LRRIQ1: variants seen among roughly 807,000 people sequenced by gnomAD.
LRRIQ1 encodes the protein leucine rich repeats and IQ motif containing 1, also known as leucine-rich repeat- and IQ domain-containing protein 1.
A neutral mutation model predicts 211.9 loss-of-function variants in LRRIQ1; 210 were observed. That is an observed-to-expected ratio of 0.99 (90% CI 0.89 to 1.11). The LOEUF (loss-of-function observed/expected upper bound fraction) is 1.11. Ranked by LOEUF, LRRIQ1 falls within the 50% of genes most tolerant of loss-of-function variation. The probability of loss-of-function intolerance (pLI) is 0.00; values close to 1 mark genes in which losing one functional copy is unlikely to be tolerated. For synonymous variants in LRRIQ1, 699 were observed against 650.1 expected, an observed-to-expected ratio of 1.08 and a Z score of -1.14; for missense variants, 2,136 against 1,939.5, an observed-to-expected ratio of 1.10 and a Z score of -1.90.
intron 11 of LRRIQ1, among the ~76,000 whole-genome samples, chr12:85,074,331 G>A (rs553611379): frequency 5.7e-4 from 87 of 151,870 alleles, no homozygotes; most frequent in Non-Finnish European, 1.0e-3. Flanking sequence ...TACATGGTAG[G>A]TGTATATATT....
intron 15 of LRRIQ1, among the ~76,000 whole-genome samples, chr12:85,116,363 C>T (rs867869821): frequency 2.0e-5 from 3 of 152,030 alleles, no homozygotes; most frequent in Admixed American, 2.0e-4. Context: ...CCAGGCTGGT[C>T]TGGATCTCCT....
At chr12:85,260,678 G>A (rs766885575) in intron 1 of LRRIQ1, among the ~76,000 whole-genome samples, 54 of 152,028 alleles carry the variant, frequency 3.6e-4, no homozygotes, top group East Asian at 3.9e-4. Flanking sequence ...ATAAATATTC[G>A]GTATCCAGGC....
At chr12:85,192,625 TAAATAA>T (rs1892606733) in intron 24 of LRRIQ1, among the ~76,000 whole-genome samples, 1 of 105,978 alleles carries the variant, frequency 9.4e-6, no homozygotes, top group Non-Finnish European at 1.7e-5. Flanking sequence ...ACTATAATTA[TAAATAA>T]ATATATATAG....
intron 24 of LRRIQ1, among the ~76,000 whole-genome samples, chr12:85,217,500 A>ATG: frequency 1.2e-5 from 1 of 81,554 alleles, no homozygotes; most frequent in East Asian, 3.2e-4. Context: ...ATGTATATAT[A>ATG]TATATATATG....
Position 85,133,810 on chromosome 12 carries a change from G to A in LRRIQ1, c.4210-4040G>A, listed in dbSNP as rs149667288. Among the ~76,000 whole-genome samples, 5 of 152,200 alleles carry A rather than the reference G, an allele frequency of 3.3e-5. No individual in the cohort carries two copies. In the East Asian group the frequency reaches 9.7e-4, roughly 29 times the overall value. On this transcript the variant is annotated intron_variant, in intron 18 of 26. Transcript: ENST00000393217. The stretch of plus-strand genomic sequence containing the variant: ...TCACAGCTTTTTGGGAAGAAGGAAG[G>A]TTAACATTGAATGACTCAAGTATTT...
chr12:85,158,770 A>G (rs540130055), intron 23 of LRRIQ1, among the ~76,000 whole-genome samples: 2 of 151,974 alleles, frequency 1.3e-5, no homozygotes, highest in African/African-American at 2.4e-5. Context: ...GTTGATTACC[A>G]CAGAGGAGTA....
chr12:85,178,774 T>C (rs2136867632), intron 24 of LRRIQ1, among the ~76,000 whole-genome samples: 1 of 152,088 alleles, frequency 6.6e-6, no homozygotes, highest in Admixed American at 6.6e-5. Context: ...TGTTCATATA[T>C]GACCTCATTC....
chr12:85,225,278 C>G (rs1023003306), intron 24 of LRRIQ1, among the ~76,000 whole-genome samples: 1 of 152,140 alleles, frequency 6.6e-6, no homozygotes, highest in African/African-American at 2.4e-5. Flanking sequence ...GGGACTTGAG[C>G]ATCCACCAAT....
intron 15 of LRRIQ1, 57 bp downstream of exon 15, chr12:85,106,672 T>C (rs1886809315): frequency 1.6e-6 from 2 of 1,241,728 alleles, no homozygotes; most frequent in South Asian, 2.6e-5. Flanking sequence ...CAGAAAAAAG[T>C]TTGATAAAAA....
intron 26 of LRRIQ1, among the ~76,000 whole-genome samples, chr12:85,243,180 A>T (rs1593018157): frequency 7.0e-6 from 1 of 143,302 alleles, no homozygotes; most frequent in Admixed American, 6.9e-5. Flanking sequence ...TTGCTTTGAT[A>T]TTTCCCCTTA....
In LRRIQ1 at chr12:85,058,600, A is replaced by G. The variant is rs531976010; in HGVS notation, c.2391+1416A>G. ...AATGAGAAGGAAGTTAAGATGTGTG[A>G]GCCTCTTTCTCCTTGGCATTTCTTC... On this transcript the variant is annotated intron_variant, in intron 8 of 26. Coordinates refer to ENST00000393217, the MANE Select transcript of LRRIQ1 (RefSeq NM_001079910.2). Among the ~76,000 whole-genome samples the G allele has an allele frequency of 4.6e-5, 7 of 152,096 alleles. No individual in the cohort carries two copies. In the East Asian group the frequency reaches 1.2e-3, roughly 25 times the overall value.
At chr12:85,098,319 TA>T in intron 11 of LRRIQ1, 35 bp from the exon 12 acceptor site, 1 of 1,396,664 alleles carries the variant, frequency 7.2e-7, no homozygotes, top group African/African-American at 1.4e-5. Flanking sequence ...TGGAAGACTG[TA>T]TGACACAGGT....
rs140158658 is a variant in LRRIQ1 at position 85,253,304 on chromosome 12, A to T, written c.121+8395A>T. Among the ~76,000 whole-genome samples the T allele has an allele frequency of 5.3e-5, 8 of 152,208 alleles. No individual in the cohort carries two copies. In the East Asian group the frequency reaches 1.5e-3, roughly 29 times the overall value. The stretch of plus-strand genomic sequence containing the variant: ...TGTGGCCCATATGCCTTAGGAATTT[A>T]TCTTTAGTAAATTACAGTTTGAGTA... On this transcript the variant is annotated intron_variant, in intron 1 of 1. Transcript: ENST00000602731.
chr12:85,139,147 G>T (rs1182959654), intron 19 of LRRIQ1, among the ~76,000 whole-genome samples: 1 of 151,384 alleles, frequency 6.6e-6, no homozygotes, highest in Non-Finnish European at 1.5e-5. Flanking sequence ...AGAATGAGTT[G>T]GTAAACCTCT....
At chr12:85,108,933 A>G (rs537921148) in intron 15 of LRRIQ1, among the ~76,000 whole-genome samples, 9 of 152,234 alleles carry the variant, frequency 5.9e-5, no homozygotes, top group South Asian at 2.1e-4. Context: ...AAACTTGTCA[A>G]TTTGTTCAGG....
rs201377203 is a variant in LRRIQ1, at chr12:85,153,084, G to C, written c.4480G>C (p.Ala1494Pro). Residue 1494 changes from alanine to proline, a missense_variant, in exon 21 of 27, where the codon GCA (alanine) becomes CCA (proline). Ala to Pro is a conservative substitution (Grantham distance 27, BLOSUM62 -1). Transcript: ENST00000393217. ...SFNLPSNPAQ[A>P]WLCNDKENLS... is the part of the protein sequence containing the mutation. ...TAATTTACCAAGTAATCCAGCTCAA[G>C]CATGGTTATGTAATGACAAAGAAAA... 131 of 1,586,786 alleles carry C rather than the reference G, an allele frequency of 8.3e-5. 3 individuals are homozygous for C. In the Admixed American group the frequency reaches 1.7e-3, roughly 20 times the overall value.
Position 85,056,296 on chromosome 12 carries a change from A to G in LRRIQ1, c.1503A>G (p.Arg501=). 1 of 1,588,208 alleles carries G rather than the reference A, an allele frequency of 6.3e-7. No individual in the cohort carries two copies. The highest frequency in any genetic ancestry group is 2.2e-5 in the East Asian group (1 of 44,494). Residue 501 remains arginine (R), a synonymous_variant, in exon 8 of 27, where the codon AGA becomes AGG. Coordinates refer to ENST00000393217, the MANE Select transcript of LRRIQ1 (RefSeq NM_001079910.2). ...RCSEELVKQE[R]KYENTDNKTE... ...CAGAAGAATTGGTCAAGCAAGAAAG[A>G]AAATATGAAAATACAGATAACAAAA...
At chr12:85,235,924 G>T (rs776434080) in intron 26 of LRRIQ1, among the ~76,000 whole-genome samples, 2 of 152,134 alleles carry the variant, frequency 1.3e-5, no homozygotes, top group African/African-American at 2.4e-5. Flanking sequence ...AGACATAAAG[G>T]CTTAGTAAAA....
Position 85,057,120 on chromosome 12 carries a change from A to G in LRRIQ1, c.2327A>G (p.Asn776Ser). The G allele has an allele frequency of 6.3e-7, 1 of 1,597,956 alleles. No homozygotes were observed. The highest frequency in any genetic ancestry group is 8.5e-7 in the Non-Finnish European group (1 of 1,174,888). ...RRKRPVKCPA[N>S]MTPALDKLEI... ...AAGAGACCTGTGAAATGCCCAGCCA[A>G]CATGACACCCGCTTTGGATAAACTG... Residue 776 changes from asparagine to serine, a missense_variant, in exon 8 of 27, where the codon AAC (asparagine) becomes AGC (serine). Coordinates refer to ENST00000393217, the MANE Select transcript of LRRIQ1 (RefSeq NM_001079910.2).
Sources: allele counts gnomAD v4.1 joint callset (sites outside exome capture counted in the v4.1 genomes callset), GRCh38; gene constraint gnomAD v4.1.1; transcripts MANE v1.5; gene names NCBI Gene and HGNC (gene_info 2026-07-23, HGNC 2026-07-21).